The following COL9A1 variants were observed in gnomAD, a reference collection of about 807,000 sequenced individuals.
The protein encoded by COL9A1 is collagen alpha-1(IX) chain.
In COL9A1, 104 loss-of-function variants were observed where a neutral mutation model predicts 142.6. The ratio of observed to expected loss-of-function variants is 0.73; its 90% CI spans 0.62 to 0.86. COL9A1 has a LOEUF of 0.86. Ranked by LOEUF, COL9A1 falls within the 40% of genes least tolerant of loss-of-function variation. The probability of loss-of-function intolerance (pLI) is 0.00; values close to 1 mark genes in which losing one functional copy is unlikely to be tolerated. For missense variants in COL9A1, 1,210 were observed against 1,176.6 expected, an observed-to-expected ratio of 1.03 and a Z score of -0.42; for synonymous variants, 466 against 396.0, an observed-to-expected ratio of 1.18 and a Z score of -2.10.
At chr6:70,221,394 A>G (rs1475194683) in intron 37 of COL9A1, among the ~76,000 whole-genome samples, 1 of 152,234 alleles carries the variant, frequency 6.6e-6, no homozygotes, top group African/African-American at 2.4e-5. Context: ...AAAGCAGTAT[A>G]TGTTTAAGGA....
chr6:70,294,679 A>T, intron 4 of COL9A1, 116 bp from the exon 5 acceptor site: 2 of 969,848 alleles, frequency 2.1e-6, no homozygotes, highest in East Asian at 4.9e-5. Context: ...GCTACAGTGT[A>T]AAAACCTATG....
At chr6:70,297,997 C>A (rs963123405) in intron 4 of COL9A1, among the ~76,000 whole-genome samples, 1 of 152,218 alleles carries the variant, frequency 6.6e-6, no homozygotes, top group Non-Finnish European at 1.5e-5. Context: ...GTTTCTTTCA[C>A]TGTCTCAGAG....
At chr6:70,293,397 G>T (rs1390830819) in intron 5 of COL9A1, among the ~76,000 whole-genome samples, 2 of 152,042 alleles carry the variant, frequency 1.3e-5, no homozygotes, top group Non-Finnish European at 2.9e-5. Flanking sequence ...CACAATTATT[G>T]TGTCAACATG....
intron 33 of COL9A1, among the ~76,000 whole-genome samples, chr6:70,236,303 T>A (rs1769908599): frequency 6.6e-6 from 1 of 152,044 alleles, no homozygotes; most frequent in Non-Finnish European, 1.5e-5. Flanking sequence ...TTTAAAAGAA[T>A]CATCTAAGAT....
intron 5 of COL9A1, among the ~76,000 whole-genome samples, chr6:70,286,046 A>G (rs1410635143): frequency 6.6e-6 from 1 of 151,936 alleles, no homozygotes; most frequent in African/African-American, 2.4e-5. Context: ...CCACCACCAC[A>G]CCCAGCTAAT....
At chr6:70,276,769 ATAT>A (rs1323499597) in intron 10 of COL9A1, among the ~76,000 whole-genome samples, 1 of 152,174 alleles carries the variant, frequency 6.6e-6, no homozygotes, top group African/African-American at 2.4e-5. Flanking sequence ...AGGTGGCAGG[ATAT>A]TACACTTGTT....
intron 4 of COL9A1, among the ~76,000 whole-genome samples, chr6:70,298,363 C>T (rs1440379544): frequency 1.3e-5 from 2 of 152,114 alleles, no homozygotes; most frequent in South Asian, 2.1e-4. Flanking sequence ...AAGTACTTTC[C>T]CAAGAATAAA....
chr6:70,265,640 A>G (rs1472957175), intron 18 of COL9A1, among the ~76,000 whole-genome samples: 1 of 152,058 alleles, frequency 6.6e-6, no homozygotes, highest in Middle Eastern at 3.2e-3. Context: ...AAATTTCCAA[A>G]GCACTTGGGT....
intron 11 of COL9A1, 107 bp downstream of exon 11, chr6:70,274,612 G>A (rs1037036127): frequency 3.4e-6 from 3 of 893,048 alleles, no homozygotes; most frequent in Admixed American, 1.9e-5. Flanking sequence ...TTGAACGAGT[G>A]CATTTTAGAT....
chr6:70,266,834 A>ATCCTTCTTCCTAAATC (rs1772048008), intron 17 of COL9A1, 64 bp from the exon 18 acceptor site: 1 of 1,344,098 alleles, frequency 7.4e-7, no homozygotes, highest in Non-Finnish European at 1.1e-6. Context: ...AAGGCTCATA[A>ATCCTTCTTCCTAAATC]AGTGATCCTG....
At position 70,288,835 on chromosome 6, in the gene COL9A1, T is replaced by G. The variant is rs558172799; in HGVS notation, c.697-5015A>C. Among the ~76,000 whole-genome samples, 4 of 152,312 alleles carry G rather than the reference T, an allele frequency of 2.6e-5. No homozygotes were observed. In the East Asian group the frequency reaches 7.7e-4, roughly 29 times the overall value. Reference sequence around the variant, plus strand: ...GCTTCATTTTTCCCCATAGCATTTATGACCACCTGGCATCCTCCACATATA... The same window carrying G: ...GCTTCATTTTTCCCCATAGCATTTAGGACCACCTGGCATCCTCCACATATA... On this transcript the variant is annotated intron_variant, in intron 5 of 37. Transcript: ENST00000357250.
At chr6:70,302,191 T>A (rs1016830281) in intron 1 of COL9A1, 117 bp from the exon 2 acceptor site, 1 of 629,688 alleles carries the variant, frequency 1.6e-6, no homozygotes, top group East Asian at 3.0e-5. Context: ...ACAGTATAGT[T>A]TTTTTTTCAT....
At chr6:70,260,566 A>AT in intron 20 of COL9A1, 91 bp downstream of exon 20, 33 of 1,011,310 alleles carry the variant, frequency 3.3e-5, no homozygotes, top group Non-Finnish European at 4.2e-5. Context: ...AAAAAAAAAA[A>AT]GTTGTTGAAG....
chr6:70,266,054 A>G (rs1583292463), intron 18 of COL9A1, among the ~76,000 whole-genome samples: 1 of 152,174 alleles, frequency 6.6e-6, no homozygotes, highest in East Asian at 1.9e-4. Context: ...CAGGAAGTCA[A>G]ATTCTTAGAT....
chr6:70,238,923 G>A (rs1251765047), intron 33 of COL9A1, among the ~76,000 whole-genome samples: 2 of 152,238 alleles, frequency 1.3e-5, no homozygotes, highest in Admixed American at 1.3e-4. Flanking sequence ...CAGATCACCT[G>A]AGGTAAGGAA....
intron 16 of COL9A1, among the ~76,000 whole-genome samples, 170 bp from the exon 17 acceptor site, chr6:70,269,030 C>T (rs374114477): frequency 3.5e-4 from 53 of 152,166 alleles, no homozygotes; most frequent in African/African-American, 1.2e-3. Flanking sequence ...ATTATTATTT[C>T]ACATTTAAAG....
chr6:70,295,167 T>G lies in COL9A1; in HGVS notation c.300-604A>C, dbSNP rs190727879. On this transcript the variant is annotated intron_variant, in intron 4 of 37. Transcript: ENST00000357250. ...GGAGCTTCTTCACACTGAGGATGTT[T>G]GTCTTTTTTTAGGGAGTTCAAATTA... Among the ~76,000 whole-genome samples the G allele has an allele frequency of 2.0e-3, 304 of 152,212 alleles. 2 individuals carry two copies. The highest frequency in any genetic ancestry group is 7.1e-3 in the African/African-American group (297 of 41,560).
intron 5 of COL9A1, among the ~76,000 whole-genome samples, chr6:70,285,235 G>A (rs1415806265): frequency 1.3e-5 from 2 of 152,330 alleles, no homozygotes; most frequent in South Asian, 2.1e-4. Context: ...ATTCATCTGT[G>A]AATACAGGCT....
At chr6:70,241,796 T>A (rs564267606) in intron 30 of COL9A1, among the ~76,000 whole-genome samples, 168 bp downstream of exon 30, 1 of 152,344 alleles carries the variant, frequency 6.6e-6, no homozygotes, top group East Asian at 1.9e-4. Flanking sequence ...ATTAATAGAC[T>A]TTTTGCTTCT....
Sources: allele counts gnomAD v4.1 joint callset (sites outside exome capture counted in the v4.1 genomes callset), GRCh38; gene constraint gnomAD v4.1.1; transcripts MANE v1.5; gene names NCBI Gene and HGNC (gene_info 2026-07-23, HGNC 2026-07-21).